Variants in CATSPERB observed in about 807,000 individuals in gnomAD.
CATSPERB encodes cation channel sperm-associated auxiliary subunit beta.
A neutral mutation model predicts 128.3 loss-of-function variants in CATSPERB; 93 were observed. The observed-to-expected ratio is 0.72, with a 90% CI of 0.61 to 0.86. CATSPERB has a LOEUF of 0.86. Ranked by LOEUF, CATSPERB falls within the 40% of genes least tolerant of loss-of-function variation. CATSPERB has a pLI of 0.00. For missense variants in CATSPERB, 1,153 were observed against 1,329.5 expected (o/e 0.87, Z 2.06); for synonymous variants, 381 against 448.8 (o/e 0.85, Z 1.91).
rs1044503637 is a variant in CATSPERB at position 91,731,440 on chromosome 14, G to A, written c.-1+490C>T. On this transcript the variant is annotated intron_variant, in intron 1 of 26. Transcript: ENST00000256343. ...TAGCCTAAGACGAAGTCTGTCCATC[G>A]AAATATTTGATTTTTAGCAAGCTAT... is the stretch of plus-strand genomic sequence containing the variant. 8.5e-5 allele frequency among the ~76,000 whole-genome samples: 13 copies of A among 152,106 alleles called. No homozygotes were observed. In the South Asian group the frequency reaches 1.2e-3, roughly 15 times the overall value.
intron 17 of CATSPERB, among the ~76,000 whole-genome samples, chr14:91,633,816 T>C (rs1164079801): frequency 6.6e-6 from 1 of 151,494 alleles, no homozygotes; most frequent in African/African-American, 2.4e-5. Context: ...TATGAAATGC[T>C]TAAATATATA....
At chr14:91,653,446 C>G (rs1894740997) in intron 15 of CATSPERB, among the ~76,000 whole-genome samples, 1 of 151,944 alleles carries the variant, frequency 6.6e-6, no homozygotes, top group East Asian at 1.9e-4. Flanking sequence ...TGTATTGGTC[C>G]CTTTTCATGC....
In CATSPERB at chr14:91,730,454, A is replaced by G. The variant is rs143703723; in HGVS notation, c.1-975T>C. 5.2e-3 allele frequency among the ~76,000 whole-genome samples: 790 copies of G among 152,240 alleles called. 7 individuals are homozygous for G. The highest frequency in any genetic ancestry group is 0.018 in the African/African-American group (738 of 41,530). ...AGCCTCCAGAACTGTGAGAAAATAAATTTCTGTTGTTTAAGCCACCCAGTG... is the reference window on the plus strand; with the variant it reads ...AGCCTCCAGAACTGTGAGAAAATAAGTTTCTGTTGTTTAAGCCACCCAGTG... On this transcript the variant is annotated intron_variant, in intron 1 of 26. Coordinates refer to ENST00000256343, the MANE Select transcript of CATSPERB (RefSeq NM_024764.4).
In CATSPERB at chr14:91,723,296, A is replaced by T. The variant is rs114615317; in HGVS notation, c.169-107T>A. 1.6e-3 allele frequency: 1,129 copies of T among 722,608 alleles called. 7 individuals are homozygous for T. In the African/African-American group the frequency reaches 0.017, roughly 11 times the overall value. 44.8% of individuals were successfully genotyped at this position (722,608 alleles called of 1,614,324 possible). ...TAATTCCAGTCTCTAGTTAGGAAAA[A>T]ATATATATATTTATACAAGTATACT... On this transcript the variant is annotated intron_variant, in intron 3 of 26. Transcript: ENST00000256343.
At chr14:91,723,360 G>A (rs902338163) in intron 3 of CATSPERB, among the ~76,000 whole-genome samples, 171 bp from the exon 4 acceptor site, 1 of 151,848 alleles carries the variant, frequency 6.6e-6, no homozygotes. Context: ...CATCATAAAG[G>A]TTTCATCTTA....
intron 10 of CATSPERB, among the ~76,000 whole-genome samples, chr14:91,685,544 C>A (rs1414542006): frequency 2.0e-5 from 3 of 152,064 alleles, no homozygotes; most frequent in Admixed American, 2.0e-4. Flanking sequence ...TAGATCTTGA[C>A]CGGAACCTAA....
At chr14:91,714,947 TACC>T (rs1895912275) in intron 5 of CATSPERB, 1 of 153,236 alleles carries the variant, frequency 6.5e-6, no homozygotes, top group South Asian at 2.1e-4. Flanking sequence ...CCTCTTCCTC[TACC>T]ACAGGAAGAG....
intron 2 of CATSPERB, among the ~76,000 whole-genome samples, chr14:91,727,957 C>T (rs1015613149): frequency 1.1e-4 from 16 of 152,130 alleles, no homozygotes; most frequent in Non-Finnish European, 5.9e-5. Flanking sequence ...GGGACATCCT[C>T]TCTTTATCCC....
intron 11 of CATSPERB, among the ~76,000 whole-genome samples, chr14:91,678,356 T>A (rs1435138119): frequency 6.6e-6 from 1 of 152,206 alleles, no homozygotes; most frequent in African/African-American, 2.4e-5. Flanking sequence ...CAGATTCCAA[T>A]TTTGTCACAA....
intron 5 of CATSPERB, chr14:91,709,920 G>A (rs973772465): frequency 6.6e-6 from 1 of 152,244 alleles, no homozygotes; most frequent in Non-Finnish European, 1.5e-5. Flanking sequence ...TTATTAACTA[G>A]CATGCACTTC....
At chr14:91,639,708 C>G (rs1229320977) in intron 15 of CATSPERB, among the ~76,000 whole-genome samples, 1 of 152,160 alleles carries the variant, frequency 6.6e-6, no homozygotes, top group East Asian at 1.9e-4. Flanking sequence ...CCTTAGGGCG[C>G]CACGTTGAGA....
intron 12 of CATSPERB, 67 bp downstream of exon 12, chr14:91,674,109 T>C (rs774431929): frequency 2.1e-4 from 187 of 887,082 alleles, no homozygotes; most frequent in Non-Finnish European, 3.3e-4. Flanking sequence ...TTTAGATTAA[T>C]CCCAATCCAT....
intron 22 of CATSPERB, chr14:91,604,501 G>A (rs1893664328): frequency 1.2e-6 from 2 of 1,600,606 alleles, no homozygotes; most frequent in Admixed American, 1.7e-5. Context: ...TTACATTATG[G>A]CCTTCCCCAG....
intron 14 of CATSPERB, among the ~76,000 whole-genome samples, chr14:91,664,679 C>T (rs1430337305): frequency 6.6e-6 from 1 of 152,172 alleles, no homozygotes; most frequent in Non-Finnish European, 1.5e-5. Flanking sequence ...ACCCTCACAT[C>T]CAACTGGACC....
intron 20 of CATSPERB, among the ~76,000 whole-genome samples, chr14:91,614,435 G>A (rs1351284231): frequency 6.6e-6 from 1 of 152,174 alleles, no homozygotes; most frequent in African/African-American, 2.4e-5. Flanking sequence ...GGCCTAGGTG[G>A]GTGGATCGCT....
chr14:91,680,597 T>C (rs1895263523), intron 11 of CATSPERB, among the ~76,000 whole-genome samples: 1 of 152,186 alleles, frequency 6.6e-6, no homozygotes, highest in South Asian at 2.1e-4. Context: ...TGGCCTGAAA[T>C]GTTTAATTGG....
At chr14:91,678,881 G>C (rs1895234768) in intron 11 of CATSPERB, among the ~76,000 whole-genome samples, 1 of 152,092 alleles carries the variant, frequency 6.6e-6, no homozygotes, top group South Asian at 2.1e-4. Flanking sequence ...TAAGTTGTCA[G>C]CAAAATGCCC....
intron 22 of CATSPERB, chr14:91,604,621 A>T: frequency 2.5e-6 from 4 of 1,611,338 alleles, no homozygotes; most frequent in Non-Finnish European, 3.4e-6. Flanking sequence ...TCCAGGCCTG[A>T]TTGTTCCAGG....
intron 5 of CATSPERB, among the ~76,000 whole-genome samples, 157 bp downstream of exon 5, chr14:91,719,261 A>T (rs1454466976): frequency 6.6e-6 from 1 of 152,224 alleles, no homozygotes; most frequent in Non-Finnish European, 1.5e-5. Context: ...TAAAATTCAG[A>T]TAAACCACAG....
Sources: allele counts gnomAD v4.1 joint callset (sites outside exome capture counted in the v4.1 genomes callset), GRCh38; gene constraint gnomAD v4.1.1; transcripts MANE v1.5; gene names NCBI Gene and HGNC (gene_info 2026-07-23, HGNC 2026-07-21).